Variants in PARP9 observed in about 807,000 individuals in gnomAD.
PARP9 encodes the protein poly(ADP-ribose) polymerase family member 9.
PARP9 carries 48 observed loss-of-function variants against 68.8 expected under a neutral mutation model. That is an observed-to-expected ratio of 0.70 (90% CI 0.55 to 0.89). The LOEUF is 0.89. Ranked by LOEUF, PARP9 falls within the 40% of genes least tolerant of loss-of-function variation. The pLI is 0.00. For missense variants in PARP9, 806 were observed against 969.3 expected (o/e 0.83, Z 2.24); for synonymous variants, 309 against 333.8 (o/e 0.93, Z 0.81).
chr3:122,550,894 C>T, intron 5 of PARP9, 92 bp from the exon 6 acceptor site: 2 of 1,151,018 alleles, frequency 1.7e-6, no homozygotes, highest in South Asian at 2.8e-5. Flanking sequence ...CAATGTCCAC[C>T]TTCACCCTCC....
chr3:122,547,017 CACACACACAT>C (rs1227304756), intron 6 of PARP9, among the ~76,000 whole-genome samples: 5 of 123,302 alleles, frequency 4.1e-5, no homozygotes, highest in African/African-American at 5.8e-5. Flanking sequence ...TATATATACA[CACACACACAT>C]ACACACACAT....
intron 7 of PARP9, among the ~76,000 whole-genome samples, chr3:122,544,473 C>T (rs1168324697): frequency 6.6e-6 from 1 of 152,108 alleles, no homozygotes; most frequent in Non-Finnish European, 1.5e-5. Flanking sequence ...TTAATGCTCT[C>T]CTTCCTTACT....
At chr3:122,546,414 G>A (rs543407396) in intron 6 of PARP9, among the ~76,000 whole-genome samples, 5 of 152,354 alleles carry the variant, frequency 3.3e-5, no homozygotes, top group Admixed American at 1.3e-4. Flanking sequence ...TTATAAAGTA[G>A]GCTTGCGTTA....
In PARP9 at chr3:122,528,140, G is replaced by T; in HGVS notation, c.*224C>A. The T allele has an allele frequency of 2.3e-6, 1 of 427,680 alleles. No homozygotes were observed. Among genetic ancestry groups the T allele is most frequent in the Non-Finnish European group, 4.1e-6 (1 of 243,276 alleles). The allele number at this position is 427,680 out of a possible 1,614,324, so 26.5% of individuals were successfully genotyped here. A position where few individuals can be genotyped will look rare whatever the true frequency, so the allele number is the denominator to read the frequency against. The stretch of plus-strand genomic sequence containing the variant: ...AAGAACAACTGCAAGAGGAAGGAAG[G>T]TCCTGAAAGTGTTTCATTTGGTATC... On this transcript the variant is annotated 3_prime_UTR_variant, in exon 11 of 11. Coordinates refer to ENST00000682323, the MANE Select transcript of PARP9 (RefSeq NM_001146105.2).
At chr3:122,544,914 G>T (rs1173329035) in intron 7 of PARP9, among the ~76,000 whole-genome samples, 1 of 152,174 alleles carries the variant, frequency 6.6e-6, no homozygotes, top group Non-Finnish European at 1.5e-5. Flanking sequence ...CAGACCCAGA[G>T]TCCCTGAATC....
rs1193197746 is a variant in PARP9, at chr3:122,528,175, C to T, written c.*189G>A. On this transcript the variant is annotated 3_prime_UTR_variant, in exon 11 of 11. Transcript: ENST00000682323. Reference sequence around the variant, plus strand: ...TGTTTCATTTGGTATCTACCTACCCCAACCCCAAGACATAAAGACAGATAA... The same window carrying T: ...TGTTTCATTTGGTATCTACCTACCCTAACCCCAAGACATAAAGACAGATAA... 3.1e-6 allele frequency: 2 copies of T among 641,318 alleles called. No homozygotes were observed. The highest frequency in any genetic ancestry group is 4.4e-4 in the Middle Eastern group (1 of 2,290). The allele number at this position is 641,318 out of a possible 1,614,324, so 39.7% of individuals were successfully genotyped here.
upstream of PARP9, chr3:122,564,682 A>G: frequency 6.5e-7 from 1 of 1,535,656 alleles, no homozygotes; most frequent in Non-Finnish European, 8.8e-7. Context: ...AGGCGGACCC[A>G]GTTCCAGCTG....
At chr3:122,535,733 G>A in intron 10 of PARP9, 4 of 998,386 alleles carry the variant, frequency 4.0e-6, no homozygotes, top group Non-Finnish European at 4.8e-6. Context: ...AGGAAACAAA[G>A]GGATGAAAGA....
In PARP9 at chr3:122,528,398, C is replaced by T; in HGVS notation, c.2426G>A (p.Trp809Ter). 1 of 1,614,084 alleles carries T rather than the reference C, an allele frequency of 6.2e-7. No individual in the cohort carries two copies. Among genetic ancestry groups the T allele is most frequent in the Non-Finnish European group, 8.5e-7 (1 of 1,179,970 alleles). The change falls in exon 11 of 11, where the codon TGG (tryptophan) becomes TAG (stop). Residue 809 changes from tryptophan to a stop codon, truncating the protein, a stop_gained. Transcript: ENST00000682323. LOFTEE classifies it high-confidence loss of function. The part of the protein sequence containing the change: ...GPMRPFAQHP[W>*]RGFASGSPVD ...AGGGCTGCCACTTGCGAATCCCCTC[C>T]AAGGATGCTGTGCAAAGGGTCTCAT...
At chr3:122,533,053 T>C (rs887651326) in intron 10 of PARP9, 2 of 152,010 alleles carry the variant, frequency 1.3e-5, no homozygotes, top group Non-Finnish European at 1.5e-5. Flanking sequence ...ATAGATTAGG[T>C]AGGGGTGTGT....
At chr3:122,560,702 T>C (rs1446625083) in intron 1 of PARP9, among the ~76,000 whole-genome samples, 1 of 152,196 alleles carries the variant, frequency 6.6e-6, no homozygotes, top group Non-Finnish European at 1.5e-5. Context: ...ATTTCTAATG[T>C]CTTTGCAATA....
intron 3 of PARP9, 179 bp downstream of exon 3, chr3:122,558,255 T>C (rs1029017610): frequency 3.5e-5 from 53 of 1,509,418 alleles, no homozygotes; most frequent in Middle Eastern, 1.9e-4. Context: ...CTTGAGAGAA[T>C]ATGCCTGCTG....
At chr3:122,540,401 A>G (rs2078108269) in intron 8 of PARP9, 71 bp downstream of exon 8, 4 of 1,552,066 alleles carry the variant, frequency 2.6e-6, no homozygotes. Flanking sequence ...ACATCCATAC[A>G]TACACGCTCA....
chr3:122,558,227 G>A, intron 3 of PARP9: 1 of 1,370,494 alleles, frequency 7.3e-7, no homozygotes, highest in Non-Finnish European at 1.0e-6. Flanking sequence ...ACGGGCAAAG[G>A]AGAGGAATGG....
At chr3:122,544,688 TA>T (rs2078555599) in intron 7 of PARP9, among the ~76,000 whole-genome samples, 1 of 152,008 alleles carries the variant, frequency 6.6e-6, no homozygotes, top group Admixed American at 6.6e-5. Flanking sequence ...TAAAATAAAT[TA>T]GCTGGGTGTG....
At chr3:122,563,792 C>A (rs956533935) in intron 1 of PARP9, among the ~76,000 whole-genome samples, 2 of 152,034 alleles carry the variant, frequency 1.3e-5, no homozygotes, top group African/African-American at 2.4e-5. Flanking sequence ...AGAAGTTTTG[C>A]TCCTTGGTTC....
intron 5 of PARP9, among the ~76,000 whole-genome samples, chr3:122,551,099 C>A (rs920659462): frequency 1.3e-5 from 2 of 152,180 alleles, no homozygotes; most frequent in African/African-American, 4.8e-5. Flanking sequence ...GAGAGCCAAC[C>A]ATCTGTTTAC....
At chr3:122,530,805 G>A (rs374789785) in intron 10 of PARP9, among the ~76,000 whole-genome samples, 6 of 152,224 alleles carry the variant, frequency 3.9e-5, no homozygotes, top group East Asian at 1.9e-4. Flanking sequence ...GCTCATGTCT[G>A]TAATCCCAGC....
chr3:122,551,353 G>A (rs980842263), intron 5 of PARP9, among the ~76,000 whole-genome samples: 6 of 152,152 alleles, frequency 3.9e-5, no homozygotes, highest in African/African-American at 1.4e-4. Context: ...GAGACTAGAG[G>A]ACCAGTTTGG....
Sources: gnomAD v4.1 joint callset for allele counts (sites outside exome capture counted in the v4.1 genomes callset) on GRCh38, gnomAD v4.1.1 for gene constraint, MANE v1.5 for transcripts, NCBI Gene and HGNC (gene_info 2026-07-23, HGNC 2026-07-21) for gene names.